BBX: variants seen among roughly 807,000 people sequenced by gnomAD.
BBX encodes HMG box transcription factor BBX.
A neutral mutation model predicts 100.2 loss-of-function variants in BBX; 30 were observed. The observed-to-expected ratio is 0.30, with a 90% CI of 0.22 to 0.41. The LOEUF is 0.41. Ranked by LOEUF, BBX falls within the 10% of genes least tolerant of loss-of-function variation. The pLI, the probability that BBX is intolerant of heterozygous loss-of-function variation, is 1.00. For missense variants in BBX, 1,023 were observed against 1,129.8 expected (o/e 0.91, Z 1.35); for synonymous variants, 376 against 388.1 (o/e 0.97, Z 0.37).
chr3:107,609,578 G>A (rs1490798750), intron 2 of BBX, among the ~76,000 whole-genome samples: 1 of 151,958 alleles, frequency 6.6e-6, no homozygotes, highest in Admixed American at 6.6e-5. Context: ...TTCAGGTTTG[G>A]AATTTCTTTA....
chr3:107,532,824 CTTCCCACT>C, intron 2 of BBX, among the ~76,000 whole-genome samples: 1 of 152,184 alleles, frequency 6.6e-6, no homozygotes, highest in East Asian at 1.9e-4. Flanking sequence ...CCAGGAACGT[CTTCCCACT>C]TTGCTAAATT....
intron 7 of BBX, 28 bp downstream of exon 7, chr3:107,733,051 C>T (rs758032758): frequency 2.5e-5 from 40 of 1,598,182 alleles, no homozygotes; most frequent in Middle Eastern, 3.3e-4. Flanking sequence ...CGTCTCCACT[C>T]TGCTCATACT....
At chr3:107,694,962 T>A (rs1398619516) in intron 3 of BBX, among the ~76,000 whole-genome samples, 1 of 151,536 alleles carries the variant, frequency 6.6e-6, no homozygotes, top group African/African-American at 2.4e-5. Flanking sequence ...ATTTCTTCTA[T>A]ATTTTCTAGT....
chr3:107,651,218 A>G (rs942407394), intron 3 of BBX, among the ~76,000 whole-genome samples: 2 of 152,226 alleles, frequency 1.3e-5, no homozygotes, highest in African/African-American at 4.8e-5. Flanking sequence ...GTTTTAAAAA[A>G]TACTTTCTAC....
intron 7 of BBX, among the ~76,000 whole-genome samples, chr3:107,733,745 G>A (rs2063468033): frequency 6.6e-6 from 1 of 152,184 alleles, no homozygotes; most frequent in South Asian, 2.1e-4. Context: ...TGGGATCACA[G>A]ATGTGAGCCA....
intron 7 of BBX, 51 bp from the exon 8 acceptor site, chr3:107,744,579 C>T: frequency 3.5e-6 from 5 of 1,410,140 alleles, no homozygotes; most frequent in Non-Finnish European, 5.0e-6. Flanking sequence ...AAATGTTTAC[C>T]TAACACAGTA....
intron 10 of BBX, among the ~76,000 whole-genome samples, chr3:107,764,083 C>T (rs1249295348): frequency 6.6e-6 from 1 of 152,154 alleles, no homozygotes; most frequent in African/African-American, 2.4e-5. Flanking sequence ...ACCTCTGCCT[C>T]CTGGGTTCAA....
At chr3:107,579,806 T>C (rs1470664929) in intron 2 of BBX, among the ~76,000 whole-genome samples, 2 of 152,206 alleles carry the variant, frequency 1.3e-5, no homozygotes, top group Admixed American at 1.3e-4. Flanking sequence ...TTTTACCATA[T>C]CGGTCTTCAT....
rs553892129 is a variant in BBX, at chr3:107,566,166, ACT to A, written c.-84+39771_-84+39772del. Among the ~76,000 whole-genome samples, 423 of 117,578 alleles carry A rather than the reference ACT, an allele frequency of 3.6e-3. 4 individuals carry two copies. Among genetic ancestry groups the A allele is most frequent in the Non-Finnish European group, 5.6e-3 (340 of 60,508 alleles). The allele number at this position is 117,578 out of a possible 152,430, so 77.1% of individuals were successfully genotyped here. A position where few individuals can be genotyped will look rare whatever the true frequency, so the allele number is the denominator to read the frequency against. ...CTCCAGTCTGGGCAACAAGAGCGAA[ACT>A]CTGTCTCAAAAAAAAAAAAAAAAAA... On this transcript the variant is annotated intron_variant, in intron 2 of 17. Coordinates refer to ENST00000325805, the MANE Select transcript of BBX (RefSeq NM_001142568.3).
chr3:107,655,715 T>C (rs866912274), intron 3 of BBX, among the ~76,000 whole-genome samples: 1 of 151,278 alleles, frequency 6.6e-6, no homozygotes, highest in African/African-American at 2.4e-5. Context: ...TTTTTTTTTT[T>C]TTTGAGACGG....
intron 3 of BBX, among the ~76,000 whole-genome samples, chr3:107,702,005 T>G (rs2061096587): frequency 6.6e-6 from 1 of 152,178 alleles, no homozygotes; most frequent in Non-Finnish European, 1.5e-5. Context: ...CACGGTGGGA[T>G]TGACTATGTA....
At position 107,778,467 on chromosome 3, in the gene BBX, A is replaced by G. The variant is rs1397035187; in HGVS notation, c.2151A>G (p.Arg717=). ...TFDRKCVPVP[R]KKKKTGNVSS... is the part of the protein sequence containing the mutation. ...ACCGGAAATGTGTACCTGTCCCAAG[A>G]AAAAAGAAGAAGACTGGAAATGTGT... Residue 717 remains arginine (R), a synonymous_variant, in exon 13 of 18, where the codon AGA becomes AGG. Coordinates refer to ENST00000325805, the MANE Select transcript of BBX (RefSeq NM_001142568.3). 1 of 1,613,270 alleles carries G rather than the reference A, an allele frequency of 6.2e-7. No individual in the cohort carries two copies. The highest frequency in any genetic ancestry group is 2.2e-5 in the East Asian group (1 of 44,878).
At chr3:107,551,493 C>T (rs942122243) in intron 2 of BBX, among the ~76,000 whole-genome samples, 1 of 152,236 alleles carries the variant, frequency 6.6e-6, no homozygotes, top group African/African-American at 2.4e-5. Context: ...AAAACCGTAT[C>T]AGCTTTTGCT....
chr3:107,571,603 T>C (rs1471059323), intron 2 of BBX, among the ~76,000 whole-genome samples: 3 of 152,144 alleles, frequency 2.0e-5, no homozygotes, highest in Admixed American at 6.5e-5. Flanking sequence ...CTTGGGCTGA[T>C]TGGTCTGAGG....
intron 2 of BBX, among the ~76,000 whole-genome samples, chr3:107,529,775 T>C (rs569505672): frequency 6.6e-6 from 1 of 152,318 alleles, no homozygotes; most frequent in East Asian, 1.9e-4. Flanking sequence ...ATTTTAAAAC[T>C]GTACAGATAT....
intron 16 of BBX, among the ~76,000 whole-genome samples, chr3:107,800,820 C>T (rs1311981819): frequency 6.6e-6 from 1 of 152,202 alleles, no homozygotes; most frequent in African/African-American, 2.4e-5. Context: ...CTTCTCACTC[C>T]AAGACTGACC....
At position 107,705,040 on chromosome 3, in the gene BBX, C is replaced by T. The variant is rs144715744; in HGVS notation, c.-9-5412C>T. 6.1e-3 allele frequency among the ~76,000 whole-genome samples: 928 copies of T among 152,190 alleles called. 10 individuals are homozygous for T. The highest frequency in any genetic ancestry group is 0.031 in the Middle Eastern group (9 of 294). ...GCAGGACCCCTTGAAAGACTGAAAG[C>T]AAGGTGTGATTTGAAAGTCCCAGAA... On this transcript the variant is annotated intron_variant, in intron 3 of 17. Coordinates refer to ENST00000325805, the MANE Select transcript of BBX (RefSeq NM_001142568.3).
intron 1 of BBX, among the ~76,000 whole-genome samples, chr3:107,525,872 C>T (rs896182849): frequency 6.6e-6 from 1 of 152,192 alleles, no homozygotes; most frequent in Admixed American, 6.5e-5. Flanking sequence ...TACCTGGACC[C>T]GCTGCCGCCG....
intron 2 of BBX, among the ~76,000 whole-genome samples, chr3:107,595,733 G>A (rs1490053378): frequency 6.6e-6 from 1 of 152,184 alleles, no homozygotes; most frequent in Non-Finnish European, 1.5e-5. Context: ...CACTATCAGT[G>A]ATCCAGAATG....
Sources: allele counts gnomAD v4.1 joint callset (sites outside exome capture counted in the v4.1 genomes callset), GRCh38; gene constraint gnomAD v4.1.1; transcripts MANE v1.5; gene names NCBI Gene and HGNC (gene_info 2026-07-23, HGNC 2026-07-21).